The following PDGFD variants were observed in gnomAD, a reference collection of about 807,000 sequenced individuals.
The protein encoded by PDGFD is platelet-derived growth factor D.
PDGFD carries 30 observed loss-of-function variants against 44.7 expected under a neutral mutation model. The ratio of observed to expected loss-of-function variants is 0.67; its 90% CI spans 0.50 to 0.91. PDGFD has a LOEUF of 0.91. PDGFD is among the 40% of genes least tolerant of loss of function. The probability of loss-of-function intolerance (pLI) is 0.00; values close to 1 mark genes in which losing one functional copy is unlikely to be tolerated. For synonymous variants in PDGFD, 173 were observed against 168.4 expected, an observed-to-expected ratio of 1.03 and a Z score of -0.21; for missense variants, 445 against 457.8, an observed-to-expected ratio of 0.97 and a Z score of 0.25.
At chr11:104,109,652 CAT>C (rs1861523578) in intron 1 of PDGFD, among the ~76,000 whole-genome samples, 1 of 152,024 alleles carries the variant, frequency 6.6e-6, no homozygotes, top group Admixed American at 6.6e-5. Flanking sequence ...TGTCCATACA[CAT>C]GACAATGTCA....
At chr11:104,124,144 T>C (rs1267421549) in intron 1 of PDGFD, among the ~76,000 whole-genome samples, 3 of 151,878 alleles carry the variant, frequency 2.0e-5, no homozygotes, top group African/African-American at 7.3e-5. Context: ...TGAGTACAAA[T>C]GAGATCACCC....
Position 103,908,559 on chromosome 11 carries a change from AG to A in PDGFD, c.*1134del, listed in dbSNP as rs1394473278. 6.6e-6 allele frequency: 1 copy of A among 152,206 alleles called. No individual in the cohort carries two copies. Among genetic ancestry groups the A allele is most frequent in the Non-Finnish European group, 1.5e-5 (1 of 68,024 alleles). 9.4% of individuals were successfully genotyped at this position (152,206 alleles called of 1,614,324 possible). On this transcript the variant is annotated 3_prime_UTR_variant, in exon 7 of 7. Transcript: ENST00000393158. ...ATTTTTTTGATACACAAAAGCTTTT[AG>A]GTTGTAAATAATCTATGATGGCCTG...
At chr11:104,062,545 C>T (rs1860731683) in intron 1 of PDGFD, among the ~76,000 whole-genome samples, 1 of 152,142 alleles carries the variant, frequency 6.6e-6, no homozygotes, top group Admixed American at 6.5e-5. Flanking sequence ...AGCTCAATAC[C>T]TCAGAATACG....
intron 5 of PDGFD, among the ~76,000 whole-genome samples, chr11:103,933,865 A>G (rs181178011): frequency 2.0e-5 from 3 of 152,358 alleles, no homozygotes; most frequent in Non-Finnish European, 4.4e-5. Context: ...GACTGAATGA[A>G]TATCTGGAAG....
intron 3 of PDGFD, among the ~76,000 whole-genome samples, chr11:103,976,099 T>G (rs1021481862): frequency 4.6e-5 from 7 of 152,200 alleles, no homozygotes; most frequent in African/African-American, 1.7e-4. Context: ...TATGGCCATT[T>G]TCATGATATT....
chr11:104,094,776 T>C (rs2134439926), intron 1 of PDGFD, among the ~76,000 whole-genome samples: 1 of 152,292 alleles, frequency 6.6e-6, no homozygotes, highest in Non-Finnish European at 1.5e-5. Flanking sequence ...AGTTTCCCCA[T>C]GCACTTTTTC....
intron 1 of PDGFD, among the ~76,000 whole-genome samples, chr11:104,110,568 A>G (rs190511727): frequency 2.9e-4 from 44 of 152,110 alleles, no homozygotes; most frequent in African/African-American, 9.9e-4. Flanking sequence ...CATACTACAT[A>G]CATAGAGACA....
chr11:104,084,683 TTA>T (rs1430280610), intron 1 of PDGFD, among the ~76,000 whole-genome samples: 3 of 137,922 alleles, frequency 2.2e-5, no homozygotes, highest in Admixed American at 7.3e-5. Context: ...GATAAAATAA[TTA>T]TATAGTGTAT....
rs1591190826 is a variant in PDGFD, at chr11:104,156,822, CT to C, written c.124+6981del. 2.0e-5 allele frequency among the ~76,000 whole-genome samples: 3 copies of C among 152,320 alleles called. No homozygotes were observed. The East Asian group carries it at 5.8e-4, about 29-fold the overall frequency. On this transcript the variant is annotated intron_variant, in intron 1 of 6. Transcript: ENST00000393158. Reference sequence around the variant, plus strand: ...GAAACTATTTCTTCCTGTATGTGTACTTGTGCCCTTTGCTGTCCTGTGGGCT... The same window carrying C: ...GAAACTATTTCTTCCTGTATGTGTACTGTGCCCTTTGCTGTCCTGTGGGCT...
chr11:103,995,737 C>T (rs1446478672), intron 3 of PDGFD, among the ~76,000 whole-genome samples: 1 of 152,180 alleles, frequency 6.6e-6, no homozygotes, highest in African/African-American at 2.4e-5. Flanking sequence ...CTGTTTAACT[C>T]TCACATACCT....
chr11:104,051,368 A>G (rs1240109008), intron 1 of PDGFD, among the ~76,000 whole-genome samples: 1 of 152,172 alleles, frequency 6.6e-6, no homozygotes, highest in Non-Finnish European at 1.5e-5. Context: ...TTCCACTCAG[A>G]TGATCAGTGG....
chr11:104,117,174 T>C (rs1861654481), intron 1 of PDGFD, among the ~76,000 whole-genome samples: 1 of 151,832 alleles, frequency 6.6e-6, no homozygotes, highest in Non-Finnish European at 1.5e-5. Context: ...TTTGACAAAA[T>C]CCACCATCCC....
At chr11:104,020,005 A>C (rs1180247001) in intron 1 of PDGFD, among the ~76,000 whole-genome samples, 1 of 152,220 alleles carries the variant, frequency 6.6e-6, no homozygotes, top group Non-Finnish European at 1.5e-5. Flanking sequence ...AATGTAAAAC[A>C]GTCTACAAAT....
At chr11:104,015,725 C>G (rs1859850810) in intron 1 of PDGFD, among the ~76,000 whole-genome samples, 1 of 152,148 alleles carries the variant, frequency 6.6e-6, no homozygotes, top group South Asian at 2.1e-4. Flanking sequence ...ATGCACTGAA[C>G]TCCAGAATGG....
intron 1 of PDGFD, among the ~76,000 whole-genome samples, chr11:104,015,606 T>C (rs1156480607): frequency 6.6e-6 from 1 of 152,232 alleles, no homozygotes; most frequent in Non-Finnish European, 1.5e-5. Context: ...AAAAGCATGA[T>C]TTTCTAGCCT....
intron 1 of PDGFD, chr11:104,037,123 G>A: frequency 6.2e-7 from 1 of 1,613,978 alleles, no homozygotes; most frequent in Non-Finnish European, 8.5e-7. Flanking sequence ...TGGCATTGCG[G>A]TGCCTGGGAC....
chr11:104,117,987 T>C (rs768461800), intron 1 of PDGFD, among the ~76,000 whole-genome samples: 2 of 152,002 alleles, frequency 1.3e-5, no homozygotes, highest in Non-Finnish European at 2.9e-5. Context: ...TGCTGGTTTA[T>C]TGTAAAGTGA....
chr11:103,943,988 C>G (rs752496830), intron 4 of PDGFD, among the ~76,000 whole-genome samples: 2 of 152,024 alleles, frequency 1.3e-5, no homozygotes, highest in African/African-American at 2.4e-5. Flanking sequence ...CCAAATCATC[C>G]ACATAACAAC....
chr11:104,119,866 A>G (rs1470667976), intron 1 of PDGFD, among the ~76,000 whole-genome samples: 8 of 86,916 alleles, frequency 9.2e-5, no homozygotes, highest in Non-Finnish European at 1.1e-4. Context: ...TATATTATAT[A>G]TATAATCAAT....
Sources: gnomAD v4.1 joint callset for allele counts (sites outside exome capture counted in the v4.1 genomes callset) on GRCh38, gnomAD v4.1.1 for gene constraint, MANE v1.5 for transcripts, NCBI Gene and HGNC (gene_info 2026-07-23, HGNC 2026-07-21) for gene names.